INTS7: variants seen among roughly 807,000 people sequenced by gnomAD.
INTS7 encodes integrator complex subunit 7.
A neutral mutation model predicts 109.2 loss-of-function variants in INTS7; 46 were observed. The observed-to-expected ratio is 0.42, with a 90% CI of 0.33 to 0.54. INTS7 has a LOEUF of 0.54. INTS7 is among the 20% of genes least tolerant of loss of function. INTS7 has a pLI of 0.07. For missense variants in INTS7, 929 were observed against 1,132.4 expected, an observed-to-expected ratio of 0.82 and a Z score of 2.58; for synonymous variants, 412 against 402.9, an observed-to-expected ratio of 1.02 and a Z score of -0.27.
intron 13 of INTS7, among the ~76,000 whole-genome samples, chr1:211,971,932 AAAAAGAAAAG>A (rs1208351028): frequency 6.8e-6 from 1 of 146,156 alleles, no homozygotes. Flanking sequence ...AAAAAAAAAA[AAAAAGAAAAG>A]AAAAGAAAAA....
intron 7 of INTS7, among the ~76,000 whole-genome samples, chr1:212,005,980 C>G (rs1665889781): frequency 6.6e-6 from 1 of 152,094 alleles, no homozygotes; most frequent in Non-Finnish European, 1.5e-5. Context: ...TTTTAATCCA[C>G]TGGAGTCATG....
intron 1 of INTS7, among the ~76,000 whole-genome samples, chr1:212,024,081 C>T (rs1420427591): frequency 6.6e-6 from 1 of 152,122 alleles, no homozygotes; most frequent in Non-Finnish European, 1.5e-5. Context: ...TGTGTGTGTA[C>T]CAGTACCATG....
intron 1 of INTS7, among the ~76,000 whole-genome samples, chr1:212,028,955 A>C (rs1667041433): frequency 6.6e-6 from 1 of 152,258 alleles, no homozygotes; most frequent in South Asian, 2.1e-4. Flanking sequence ...AGTGCTAACC[A>C]CTATGCTAAA....
intron 1 of INTS7, among the ~76,000 whole-genome samples, chr1:212,031,602 C>T (rs1345279008): frequency 2.6e-5 from 4 of 152,300 alleles, no homozygotes; most frequent in Middle Eastern, 3.4e-3. Context: ...TGTCCATCTC[C>T]TTACATTTGT....
chr1:211,983,709 G>C (rs1016484604), intron 8 of INTS7, among the ~76,000 whole-genome samples: 1 of 152,162 alleles, frequency 6.6e-6, no homozygotes, highest in African/African-American at 2.4e-5. Context: ...GGCTGAAAGA[G>C]ACGCTACTAA....
rs778552230 is a variant in INTS7, at chr1:211,941,879, T to A, written c.2834A>T (p.Gln945Leu). 6.2e-7 allele frequency: 1 copy of A among 1,614,230 alleles called. No homozygotes were observed. Among genetic ancestry groups the A allele is most frequent in the South Asian group, 1.1e-5 (1 of 91,078 alleles). Residue 945 changes from glutamine to leucine, a missense_variant, in exon 20 of 20, where the codon CAA becomes CTA. By Grantham distance (113) the Gln-to-Leu change is moderately radical (BLOSUM62 -2). Around this residue, in one of 2 missense-constraint regions of INTS7, gnomAD observed 787 missense variants for 901.1 expected, o/e 0.87. Transcript: ENST00000366994. ...YSQQIRLQQQ[Q>L]AQQPLQQQQQ... is the part of the protein sequence containing the mutation. Reference sequence around the variant, plus strand: ...CTGCTGCTGTAATGGCTGCTGGGCTTGCTGCTGTTGTAAGCGAATTTGCTG... The same window carrying A: ...CTGCTGCTGTAATGGCTGCTGGGCTAGCTGCTGTTGTAAGCGAATTTGCTG...
chr1:211,947,443 AC>A (rs1197195628), intron 17 of INTS7, among the ~76,000 whole-genome samples: 1 of 152,162 alleles, frequency 6.6e-6, no homozygotes, highest in Non-Finnish European at 1.5e-5. Flanking sequence ...TCATAAGAAC[AC>A]TTTTAACTTC....
chr1:212,024,218 A>T (rs1666825583), intron 1 of INTS7, among the ~76,000 whole-genome samples: 1 of 151,954 alleles, frequency 6.6e-6, no homozygotes, highest in Non-Finnish European at 1.5e-5. Flanking sequence ...TGAATTTTAG[A>T]AGAGTTTTTT....
chr1:212,000,828 A>G (rs1665634455), intron 7 of INTS7, among the ~76,000 whole-genome samples: 1 of 152,168 alleles, frequency 6.6e-6, no homozygotes, highest in African/African-American at 2.4e-5. Flanking sequence ...CACCTACATT[A>G]GGCTTCTTAA....
intron 8 of INTS7, among the ~76,000 whole-genome samples, chr1:211,987,679 A>G (rs1664951561): frequency 6.6e-6 from 1 of 152,202 alleles, no homozygotes; most frequent in South Asian, 2.1e-4. Flanking sequence ...CTAGAAAAAT[A>G]TATTATTGAC....
Position 212,012,251 on chromosome 1 carries a change from T to C in INTS7, c.510-830A>G, listed in dbSNP as rs78579767. Among the ~76,000 whole-genome samples the C allele has an allele frequency of 1.1e-3, 162 of 152,064 alleles. No individual in the cohort carries two copies. In the East Asian group the frequency reaches 0.015, roughly 14 times the overall value. On this transcript the variant is annotated intron_variant, in intron 4 of 19. Coordinates refer to ENST00000366994, the MANE Select transcript of INTS7 (RefSeq NM_015434.4). ...GCAATTTAGAATAAAACAAATGTGG[T>C]TATGGTAGGAGATTGGGGGGGGAGG...
chr1:211,946,467 C>T lies in INTS7; in HGVS notation c.2415+140G>A, dbSNP rs550199968. ...CTCCAGCCCAGGCGACAGGGCGAGA[C>T]TCTGTCTCAAAAAACAAAACAAAAC... is the stretch of plus-strand genomic sequence containing the variant. On this transcript the variant is annotated intron_variant, in intron 18 of 19. Coordinates refer to ENST00000366994, the MANE Select transcript of INTS7 (RefSeq NM_015434.4). This position sits in a 1 kb window ranked among gnomAD's most constrained non-coding sequence, Gnocchi z 4.3. 3 of 552,016 alleles carry T rather than the reference C, an allele frequency of 5.4e-6. No homozygotes were observed. The highest frequency in any genetic ancestry group is 6.5e-5 in the East Asian group (2 of 30,978). 34.2% of individuals were successfully genotyped at this position (552,016 alleles called of 1,614,324 possible).
At chr1:211,962,110 T>C (rs555602360) in intron 16 of INTS7, among the ~76,000 whole-genome samples, 1 of 151,930 alleles carries the variant, frequency 6.6e-6, no homozygotes, top group Non-Finnish European at 1.5e-5. Context: ...CAAAACTCAA[T>C]GGTATGCCAA....
intron 17 of INTS7, 52 bp downstream of exon 17, chr1:211,952,517 T>A (rs1019619843): frequency 1.2e-5 from 19 of 1,578,136 alleles, no homozygotes; most frequent in Non-Finnish European, 1.5e-5. Flanking sequence ...CATAAATGTA[T>A]GAAAAACCCA....
chr1:211,995,311 T>C (rs1445544989), intron 7 of INTS7, among the ~76,000 whole-genome samples: 1 of 152,180 alleles, frequency 6.6e-6, no homozygotes, highest in Non-Finnish European at 1.5e-5. Context: ...TACCAATAAA[T>C]GTAAACAACT....
chr1:211,986,714 C>G (rs1025112375), intron 8 of INTS7, among the ~76,000 whole-genome samples: 1 of 152,132 alleles, frequency 6.6e-6, no homozygotes, highest in Admixed American at 6.6e-5. Flanking sequence ...TCTCTCATAT[C>G]CCTACTTTCT....
Position 211,994,576 on chromosome 1 carries a change from A to G in INTS7, c.880-6573T>C, listed in dbSNP as rs536112272. ...GTAGCTGGGATTACAGGTGCGTACC[A>G]CCACACCCAGTTACTTTTTGTAGTT... On this transcript the variant is annotated intron_variant, in intron 7 of 19. Coordinates refer to ENST00000366994, the MANE Select transcript of INTS7 (RefSeq NM_015434.4). 2.6e-5 allele frequency among the ~76,000 whole-genome samples: 4 copies of G among 151,698 alleles called. No homozygotes were observed. In the South Asian group the frequency reaches 8.4e-4, roughly 32 times the overall value.
intron 11 of INTS7, among the ~76,000 whole-genome samples, chr1:211,978,019 T>C (rs1349701853): frequency 4.6e-5 from 7 of 152,198 alleles, no homozygotes; most frequent in Non-Finnish European, 1.0e-4. Context: ...TAGGCTGATT[T>C]GACAGGGTTT....
At chr1:211,951,063 T>C (rs1663061484) in intron 17 of INTS7, among the ~76,000 whole-genome samples, 1 of 152,254 alleles carries the variant, frequency 6.6e-6, no homozygotes, top group South Asian at 2.1e-4. Context: ...TGCCCATCTT[T>C]AGATCTAACC....
Sources: allele counts gnomAD v4.1 joint callset (sites outside exome capture counted in the v4.1 genomes callset), GRCh38; gene constraint gnomAD v4.1.1; regional missense constraint gnomAD v4.1.1; non-coding constraint Gnocchi (gnomAD v3.1); transcripts MANE v1.5; gene names NCBI Gene and HGNC (gene_info 2026-07-23, HGNC 2026-07-21).